Variants in TMEM135 observed in about 807,000 individuals in gnomAD.
TMEM135 encodes transmembrane protein 135.
Under a neutral mutation model 60.3 loss-of-function variants are expected in TMEM135, and 30 were observed. The ratio of observed to expected loss-of-function variants is 0.50; its 90% CI spans 0.37 to 0.68. TMEM135 has a LOEUF of 0.68. Among genes scored for constraint, TMEM135 ranks in the 30% least tolerant of loss-of-function variants. The pLI is 0.00. For missense variants in TMEM135, 468 were observed against 548.8 expected (o/e 0.85, Z 1.47); for synonymous variants, 190 against 186.7 (o/e 1.02, Z -0.14).
At chr11:87,168,438 A>C (rs568828731) in intron 5 of TMEM135, among the ~76,000 whole-genome samples, 2 of 152,004 alleles carry the variant, frequency 1.3e-5, no homozygotes, top group African/African-American at 4.8e-5. Context: ...TTCTGTGGGC[A>C]TTTGGTGCTA....
intron 6 of TMEM135, among the ~76,000 whole-genome samples, chr11:87,273,968 C>T (rs939104273): frequency 6.6e-6 from 1 of 151,626 alleles, no homozygotes; most frequent in Non-Finnish European, 1.5e-5. Context: ...TAGAGTTGGT[C>T]TCAAGTATGC....
intron 1 of TMEM135, among the ~76,000 whole-genome samples, chr11:87,057,677 A>G (rs1949906205): frequency 2.0e-5 from 3 of 152,048 alleles, no homozygotes; most frequent in African/African-American, 4.8e-5. Flanking sequence ...GTTTCTTGTT[A>G]TTTTGTTTGA....
chr11:87,227,427 A>C (rs571443361), intron 5 of TMEM135, among the ~76,000 whole-genome samples: 8 of 152,198 alleles, frequency 5.3e-5, no homozygotes, highest in African/African-American at 1.9e-4. Flanking sequence ...CTTCTTTCTT[A>C]CTTCTAGTCT....
chr11:87,223,663 GCACGCACACA>G (rs771769891), intron 5 of TMEM135, among the ~76,000 whole-genome samples: 6 of 130,860 alleles, frequency 4.6e-5, no homozygotes, highest in Non-Finnish European at 6.7e-5. Flanking sequence ...ATACGCACAT[GCACGCACACA>G]CACACACACA....
At chr11:87,046,328 G>A (rs779993827) in intron 1 of TMEM135, among the ~76,000 whole-genome samples, 8 of 152,174 alleles carry the variant, frequency 5.3e-5, no homozygotes, top group East Asian at 1.9e-4. Flanking sequence ...CGCTTGCAGC[G>A]AGTGGAGATC....
At chr11:87,169,349 G>A (rs1939163898) in intron 5 of TMEM135, among the ~76,000 whole-genome samples, 1 of 150,776 alleles carries the variant, frequency 6.6e-6, no homozygotes, top group South Asian at 2.2e-4. Flanking sequence ...TCATTATGAT[G>A]CTAGCTGGTT....
intron 5 of TMEM135, among the ~76,000 whole-genome samples, chr11:87,229,903 T>G (rs1431558720): frequency 8.5e-5 from 13 of 152,170 alleles, no homozygotes; most frequent in Non-Finnish European, 1.3e-4. Flanking sequence ...GTACATGCAT[T>G]ACTTTTTTTG....
chr11:87,246,209 G>T (rs1309487298), intron 6 of TMEM135, among the ~76,000 whole-genome samples: 1 of 146,358 alleles, frequency 6.8e-6, no homozygotes, highest in Non-Finnish European at 1.5e-5. Context: ...TAGAGTTTCT[G>T]CCAAGAGATC....
chr11:87,092,528 A>G (rs1005988599), intron 4 of TMEM135, among the ~76,000 whole-genome samples: 1 of 152,210 alleles, frequency 6.6e-6, no homozygotes, highest in Non-Finnish European at 1.5e-5. Context: ...AATTTATTTT[A>G]AAATACTCCA....
chr11:87,061,764 A>G (rs912264373), intron 1 of TMEM135, among the ~76,000 whole-genome samples: 16 of 152,320 alleles, frequency 1.1e-4, no homozygotes, highest in African/African-American at 3.8e-4. Context: ...ACATGGGGAA[A>G]GAAACGGGAA....
chr11:87,265,810 A>G (rs1055037500), intron 6 of TMEM135, among the ~76,000 whole-genome samples: 2 of 152,142 alleles, frequency 1.3e-5, no homozygotes, highest in African/African-American at 4.8e-5. Flanking sequence ...AACATTGTAT[A>G]GAAAATATCA....
rs1448672794 is a variant in TMEM135, at chr11:87,323,380, T to A, written c.*2047T>A. On this transcript the variant is annotated 3_prime_UTR_variant, in exon 15 of 15. Coordinates refer to ENST00000305494, the MANE Select transcript of TMEM135 (RefSeq NM_022918.4). ...CCAGTTTGATTTCATTGGGACAGAC[T>A]GCAAAGTGTAGTTGTTTGAGCAAAC... 8.8e-6 allele frequency: 4 copies of A among 453,912 alleles called. No homozygotes were observed. The Admixed American group carries it at 9.4e-5, about 11-fold the overall frequency. The allele number at this position is 453,912 out of a possible 1,614,324, so 28.1% of individuals were successfully genotyped here.
intron 6 of TMEM135, among the ~76,000 whole-genome samples, chr11:87,254,562 T>C (rs546655082): frequency 6.6e-6 from 1 of 152,346 alleles, no homozygotes; most frequent in South Asian, 2.1e-4. Context: ...TATTTATGTT[T>C]CCAAGCCCAT....
At chr11:87,137,006 T>C (rs1344434786) in intron 4 of TMEM135, among the ~76,000 whole-genome samples, 1 of 152,092 alleles carries the variant, frequency 6.6e-6, no homozygotes, top group African/African-American at 2.4e-5. Flanking sequence ...TGATTAATAG[T>C]ATTTTTTACC....
intron 5 of TMEM135, among the ~76,000 whole-genome samples, chr11:87,189,073 CCTTTCCTTT>C (rs1344056558): frequency 1.4e-5 from 2 of 142,302 alleles, no homozygotes; most frequent in African/African-American, 5.1e-5. Context: ...TTTTTTCTTT[CCTTTCCTTT>C]CTTTCCTTCC....
At chr11:87,130,192 A>G (rs934967290) in intron 4 of TMEM135, among the ~76,000 whole-genome samples, 2 of 150,690 alleles carry the variant, frequency 1.3e-5, no homozygotes, top group African/African-American at 2.4e-5. Flanking sequence ...GTAAATTACA[A>G]GGAGTCTTGA....
Position 87,236,251 on chromosome 11 carries a change from G to T in TMEM135, c.463-387G>T, listed in dbSNP as rs192775015. On this transcript the variant is annotated intron_variant, in intron 5 of 14. Transcript: ENST00000305494. ...TATTGCAATTTATTCTCCTAATATGGGCTATATTAGGGGTGTCCAATCTTT... is the reference window on the plus strand; with the variant it reads ...TATTGCAATTTATTCTCCTAATATGTGCTATATTAGGGGTGTCCAATCTTT... 9.9e-5 allele frequency among the ~76,000 whole-genome samples: 15 copies of T among 151,700 alleles called. No individual in the cohort carries two copies. In the East Asian group the frequency reaches 2.7e-3, roughly 27 times the overall value.
chr11:87,158,913 G>A (rs1268911301), intron 5 of TMEM135, among the ~76,000 whole-genome samples: 1 of 152,110 alleles, frequency 6.6e-6, no homozygotes, highest in Non-Finnish European at 1.5e-5. Context: ...TGCCTATGAT[G>A]TCTAAAAATG....
chr11:87,237,555 C>G (rs924526978), intron 6 of TMEM135, among the ~76,000 whole-genome samples: 14 of 151,790 alleles, frequency 9.2e-5, no homozygotes, highest in African/African-American at 3.1e-4. Flanking sequence ...TCCAACCATA[C>G]CAGAATTTTT....
Sources: allele counts gnomAD v4.1 joint callset (sites outside exome capture counted in the v4.1 genomes callset), GRCh38; gene constraint gnomAD v4.1.1; transcripts MANE v1.5; gene names NCBI Gene and HGNC (gene_info 2026-07-23, HGNC 2026-07-21).